ASB9: variants seen among roughly 807,000 people sequenced by gnomAD.
ASB9 encodes ankyrin repeat and SOCS box containing 9.
Under a neutral mutation model 16.6 loss-of-function variants are expected in ASB9, and 5 were observed. That is an observed-to-expected ratio of 0.30 (90% CI 0.16 to 0.63). The LOEUF (loss-of-function observed/expected upper bound fraction) is 0.63. Among genes scored for constraint, ASB9 ranks in the 30% least tolerant of loss-of-function variants. The pLI, the probability that ASB9 is intolerant of heterozygous loss-of-function variation, is 0.82. For missense variants in ASB9, 216 were observed against 229.4 expected, an observed-to-expected ratio of 0.94 and a Z score of 0.38; for synonymous variants, 100 against 86.4, an observed-to-expected ratio of 1.16 and a Z score of -0.87.
intron 1 of ASB9, among the ~76,000 whole-genome samples, chrX:15,267,425 T>TAAAAATAC (rs1555934622): frequency 3.4e-5 from 3 of 87,668 alleles, no homozygotes; most frequent in Admixed American, 2.7e-4. Flanking sequence ...AAAATATATA[T>TAAAAATAC]ATATATATAA....
intron 3 of ASB9, among the ~76,000 whole-genome samples, chrX:15,252,629 C>A (rs1284921168): frequency 8.9e-6 from 1 of 111,898 alleles, no homozygotes; most frequent in Non-Finnish European, 1.9e-5. Flanking sequence ...CCTCCATGCC[C>A]TCCCCAGGAA....
rs986933216 is a variant in ASB9, at chrX:15,253,446, A to T, written c.283-1042T>A. Among the ~76,000 whole-genome samples, 3 of 108,544 alleles carry T rather than the reference A, an allele frequency of 2.8e-5. No individual in the cohort carries two copies. The Admixed American group carries it at 3.0e-4, about 11-fold the overall frequency. The allele number at this position is 108,544 out of a possible 115,157, so 94.3% of individuals were successfully genotyped here. A position where few individuals can be genotyped will look rare whatever the true frequency, so the allele number is the denominator to read the frequency against. On this transcript the variant is annotated intron_variant, in intron 3 of 6. Transcript: ENST00000380488. Reference sequence around the variant, plus strand: ...GAAACCCCATCTCTACTAAAAATACAAAAATGAGCCAAGTGTGGTGGTGCG... The same window carrying T: ...GAAACCCCATCTCTACTAAAAATACTAAAATGAGCCAAGTGTGGTGGTGCG...
At chrX:15,250,207 ATCC>A (rs1266894414) in intron 5 of ASB9, among the ~76,000 whole-genome samples, 138 of 108,395 alleles carry the variant, frequency 1.3e-3, no homozygotes, top group Middle Eastern at 4.7e-3. Flanking sequence ...CATCATCATC[ATCC>A]TCCTCCTCCT....
intron 1 of ASB9, among the ~76,000 whole-genome samples, chrX:15,263,220 G>A (rs1245634466): frequency 1.8e-5 from 2 of 111,294 alleles, no homozygotes; most frequent in South Asian, 3.8e-4. Flanking sequence ...CCTGAGAAAC[G>A]TTTTGCAAAG....
intron 1 of ASB9, among the ~76,000 whole-genome samples, chrX:15,259,725 C>T (rs1266172681): frequency 8.9e-6 from 1 of 112,386 alleles, no homozygotes; most frequent in Non-Finnish European, 1.9e-5. Context: ...AAATCCAAAG[C>T]TTCTTGAGTG....
At chrX:15,248,233 T>C (rs956244881) in intron 6 of ASB9, among the ~76,000 whole-genome samples, 2 of 111,891 alleles carry the variant, frequency 1.8e-5, no homozygotes, top group African/African-American at 6.5e-5. Flanking sequence ...TTCTTACTTA[T>C]AGAGAAGTGT....
intron 1 of ASB9, among the ~76,000 whole-genome samples, chrX:15,267,408 T>TAGATTTAAAAAAA (rs1926549510): frequency 2.0e-5 from 1 of 50,149 alleles, no homozygotes; most frequent in Admixed American, 2.4e-4. Flanking sequence ...AGACTCCATC[T>TAGATTTAAAAAAA]AAAAAAAAAA....
intron 1 of ASB9, among the ~76,000 whole-genome samples, chrX:15,262,276 C>A (rs1269229455): frequency 3.6e-5 from 4 of 111,562 alleles, no homozygotes; most frequent in Non-Finnish European, 5.6e-5. Flanking sequence ...AGTTTTTGAG[C>A]AGATATATGT....
At chrX:15,268,445 G>C (rs1422323988) in intron 1 of ASB9, among the ~76,000 whole-genome samples, 1 of 101,951 alleles carries the variant, frequency 9.8e-6, no homozygotes. Flanking sequence ...TTTTTTCTTT[G>C]ATACGGAGTC....
rs1021108426 is a variant in ASB9 at position 15,244,147 on chromosome X, A to T, written c.*359T>A. On this transcript the variant is annotated 3_prime_UTR_variant, in exon 7 of 7. Coordinates refer to ENST00000380488, the MANE Select transcript of ASB9 (RefSeq NM_001031739.3). ...TGACTCCTCTATCCTTACTCTGGAA[A>T]ATTGGACATCTTGACCCAGTGGCTG... 2.7e-4 allele frequency: 42 copies of T among 156,934 alleles called. No individual in the cohort carries two copies. Among genetic ancestry groups the T allele is most frequent in the Admixed American group, 1.9e-3 (24 of 12,661 alleles). The allele number at this position is 156,934 out of a possible 1,213,427, so 12.9% of individuals were successfully genotyped here.
chrX:15,268,201 G>A lies in ASB9; in HGVS notation c.94+1580C>T, dbSNP rs1842303. The stretch of plus-strand genomic sequence containing the variant: ...ACAAAAATTAGCCGGGTGTGGTGGC[G>A]GGCGCTTATAATCCCAGCTACTCGG... On this transcript the variant is annotated intron_variant, in intron 1 of 6. Coordinates refer to ENST00000380488, the MANE Select transcript of ASB9 (RefSeq NM_001031739.3). Among the ~76,000 whole-genome samples, 185 of 107,896 alleles carry A rather than the reference G, an allele frequency of 1.7e-3. 4 individuals carry two copies. In the East Asian group the frequency reaches 0.038, roughly 22 times the overall value. 93.7% of individuals were successfully genotyped at this position (107,896 alleles called of 115,157 possible).
intron 6 of ASB9, among the ~76,000 whole-genome samples, chrX:15,246,515 G>T (rs768325356): frequency 9.0e-6 from 1 of 111,088 alleles, no homozygotes; most frequent in South Asian, 3.9e-4. Flanking sequence ...TCACTCTGTC[G>T]CCCAGGCTGG....
chrX:15,247,144 A>T (rs187177196), intron 6 of ASB9, among the ~76,000 whole-genome samples: 24 of 111,436 alleles, frequency 2.2e-4, no homozygotes, highest in Non-Finnish European at 3.4e-4. Flanking sequence ...AACTGCTGTG[A>T]GCAATCCACA....
At chrX:15,246,111 G>A (rs1924645236) in intron 6 of ASB9, among the ~76,000 whole-genome samples, 1 of 112,067 alleles carries the variant, frequency 8.9e-6, no homozygotes, top group Non-Finnish European at 1.9e-5. Context: ...ATCTGTGCTA[G>A]AAACGCTGTC....
chrX:15,264,426 C>G (rs1273874969), intron 1 of ASB9, among the ~76,000 whole-genome samples: 1 of 111,666 alleles, frequency 9.0e-6, no homozygotes, highest in Non-Finnish European at 1.9e-5. Flanking sequence ...AAGCTACTTT[C>G]AGGAAAAAAT....
chrX:15,260,486 A>C (rs1220257817), intron 1 of ASB9, among the ~76,000 whole-genome samples: 1 of 112,402 alleles, frequency 8.9e-6, no homozygotes. Flanking sequence ...ACCCAATCCC[A>C]ACCCATTAAA....
chrX:15,266,753 G>A (rs978935984), intron 1 of ASB9, among the ~76,000 whole-genome samples: 1 of 109,839 alleles, frequency 9.1e-6, no homozygotes, highest in Non-Finnish European at 1.9e-5. Flanking sequence ...TGGCTAACAT[G>A]GTGAAACCCC....
Position 15,252,419 on chromosome X carries a change from T to C in ASB9, c.283-15A>G, listed in dbSNP as rs755083353. The C allele has an allele frequency of 1.7e-6, 2 of 1,184,477 alleles. No individual in the cohort carries two copies. The highest frequency in any genetic ancestry group is 1.9e-5 in the South Asian group (1 of 51,907). ...ACACCATTCACCTGGTAAAAGAAGC[T>C]CCAGAATGAAGACAGGAAGGGGGAT... is the stretch of plus-strand genomic sequence containing the variant. On this transcript the variant is annotated splice_polypyrimidine_tract_variant and intron_variant, in intron 3 of 6. Coordinates refer to ENST00000380488, the MANE Select transcript of ASB9 (RefSeq NM_001031739.3).
chrX:15,263,801 C>T (rs1428514189), intron 1 of ASB9, among the ~76,000 whole-genome samples: 4 of 111,681 alleles, frequency 3.6e-5, no homozygotes, highest in Non-Finnish European at 3.8e-5. Context: ...ATACTCTCTA[C>T]AGGGTGGGCT....
Sources: allele counts gnomAD v4.1 joint callset (sites outside exome capture counted in the v4.1 genomes callset), GRCh38; gene constraint gnomAD v4.1.1; transcripts MANE v1.5; gene names NCBI Gene and HGNC (gene_info 2026-07-23, HGNC 2026-07-21).